FAM76A: variants seen among roughly 807,000 people sequenced by gnomAD.
The protein encoded by FAM76A is protein FAM76A.
A neutral mutation model predicts 46.2 loss-of-function variants in FAM76A; 32 were observed. The observed-to-expected ratio is 0.69, with a 90% confidence interval of 0.52 to 0.93. FAM76A has a LOEUF of 0.93. Ranked by LOEUF, FAM76A falls within the 40% of genes least tolerant of loss-of-function variation. The probability of loss-of-function intolerance (pLI) is 0.00; values close to 1 mark genes in which losing one functional copy is unlikely to be tolerated. For synonymous variants in FAM76A, 137 were observed against 127.0 expected, an observed-to-expected ratio of 1.08 and a Z score of -0.53; for missense variants, 274 against 361.5, an observed-to-expected ratio of 0.76 and a Z score of 1.96.
chr1:27,731,260 A>G (rs948158992), intron 2 of FAM76A, among the ~76,000 whole-genome samples: 3 of 144,332 alleles, frequency 2.1e-5, no homozygotes, highest in Non-Finnish European at 3.0e-5. Flanking sequence ...CTGGAGTGCA[A>G]TGGCGCAATC....
At chr1:27,746,554 C>A (rs1375516973) in intron 5 of FAM76A, among the ~76,000 whole-genome samples, 3 of 151,986 alleles carry the variant, frequency 2.0e-5, no homozygotes, top group African/African-American at 7.3e-5. Context: ...AACCCTGTTT[C>A]TACTAAAACA....
intron 8 of FAM76A, chr1:27,759,871 G>C (rs1057386253): frequency 1.8e-6 from 1 of 555,758 alleles, no homozygotes; most frequent in Non-Finnish European, 3.4e-6. Flanking sequence ...AGGCTCAGGT[G>C]ATCCTCCCAC....
chr1:27,735,636 T>C (rs1415213419), intron 4 of FAM76A, among the ~76,000 whole-genome samples: 1 of 152,208 alleles, frequency 6.6e-6, no homozygotes, highest in Non-Finnish European at 1.5e-5. Flanking sequence ...GAATCTGAAT[T>C]AGTAATCAGG....
intron 3 of FAM76A, 76 bp from the exon 4 acceptor site, chr1:27,733,955 A>G: frequency 7.1e-7 from 1 of 1,415,658 alleles, no homozygotes; most frequent in Non-Finnish European, 9.7e-7. Flanking sequence ...ACTACAAAGT[A>G]GGAATTATTG....
intron 1 of FAM76A, among the ~76,000 whole-genome samples, chr1:27,727,257 G>A (rs1005932242): frequency 7.2e-5 from 11 of 152,272 alleles, no homozygotes; most frequent in African/African-American, 2.6e-4. Context: ...TTTATGGCTA[G>A]TTCCATATAA....
chr1:27,740,603 A>C (rs2088135092), intron 4 of FAM76A: 1 of 775,986 alleles, frequency 1.3e-6, no homozygotes. Context: ...TTCAGAAGCC[A>C]CTCAAAAACA....
At position 27,726,150 on chromosome 1, in the gene FAM76A, C is replaced by A; in HGVS notation, c.70C>A (p.Gln24Lys). 7.7e-7 allele frequency: 1 copy of A among 1,305,734 alleles called. No individual in the cohort carries two copies. The highest frequency in any genetic ancestry group is 3.1e-5 in the Admixed American group (1 of 31,810). 80.9% of individuals were successfully genotyped at this position (1,305,734 alleles called of 1,614,324 possible). Residue 24 changes from glutamine to lysine, a missense_variant, in exon 1 of 9, where the codon CAG (glutamine) becomes AAG (lysine). Transcript: ENST00000373954. Reference sequence around the variant, plus strand: ...CTTCGAGGCGCTGTCTCAGGGGCAGCAGCTGTGCAAGGTGCGCGGGCTGGG... The same window carrying A: ...CTTCGAGGCGCTGTCTCAGGGGCAGAAGCTGTGCAAGGTGCGCGGGCTGGG... ...FPFEALSQGQ[Q>K]LCKECRIAHP...
intron 5 of FAM76A, 125 bp from the exon 6 acceptor site, chr1:27,748,943 A>G (rs1409067049): frequency 3.2e-5 from 19 of 585,802 alleles, no homozygotes; most frequent in Non-Finnish European, 5.6e-5. Context: ...TTATTAATCA[A>G]GAATTATTAG....
At chr1:27,728,823 G>A (rs546647473) in intron 2 of FAM76A, among the ~76,000 whole-genome samples, 1 of 152,102 alleles carries the variant, frequency 6.6e-6, no homozygotes, top group African/African-American at 2.4e-5. Flanking sequence ...AATTACCTGG[G>A]TGTGGTGGCA....
chr1:27,757,964 A>G (rs1162665555), intron 7 of FAM76A, among the ~76,000 whole-genome samples: 5 of 148,146 alleles, frequency 3.4e-5, no homozygotes, highest in African/African-American at 5.3e-5. Context: ...GCTACAGAGC[A>G]AGACTCCATC....
intron 6 of FAM76A, among the ~76,000 whole-genome samples, chr1:27,749,368 T>G (rs370980353): frequency 6.6e-6 from 1 of 152,186 alleles, no homozygotes; most frequent in East Asian, 1.9e-4. Context: ...TGCAGTCCAC[T>G]AAATTATAAT....
chr1:27,726,600 G>A (rs2087865001), intron 1 of FAM76A, among the ~76,000 whole-genome samples: 1 of 151,976 alleles, frequency 6.6e-6, no homozygotes, highest in South Asian at 2.1e-4. Context: ...TTTTCGACCA[G>A]TTTCAGAATC....
intron 4 of FAM76A, among the ~76,000 whole-genome samples, chr1:27,737,872 A>AAAAAAAAAAAAAAAAAAAAAC (rs2088079118): frequency 7.9e-6 from 1 of 126,240 alleles, no homozygotes; most frequent in South Asian, 2.2e-4. Context: ...CAACAACAAA[A>AAAAAAAAAAAAAAAAAAAAAC]AAAAAAAAAA....
rs184691197 is a variant in FAM76A, at chr1:27,749,148, G to A, written c.593G>A (p.Gly198Glu). Residue 198 changes from glycine (G) to glutamate (E), a missense_variant, in exon 6 of 9, where the codon GGA becomes GAA. Coordinates refer to ENST00000373954, the MANE Select transcript of FAM76A (RefSeq NM_152660.3). Reference protein sequence around the residue: ...KSKFESITTNGDSFSPDLALD... With the variant: ...KSKFESITTNEDSFSPDLALD... ...AAGTTTGAGTCAATCACAACTAATG[G>A]AGACAGGTGAGCCAGTTGGAGTATG... The A allele has an allele frequency of 9.4e-6, 15 of 1,598,124 alleles. No individual in the cohort carries two copies. Among genetic ancestry groups the A allele is most frequent in the East Asian group, 2.2e-5 (1 of 44,484 alleles).
chr1:27,742,338 C>G (rs1418623888), intron 4 of FAM76A, among the ~76,000 whole-genome samples: 1 of 152,206 alleles, frequency 6.6e-6, no homozygotes, highest in Non-Finnish European at 1.5e-5. Flanking sequence ...AGAGACACCA[C>G]AGCTTCAGAG....
chr1:27,726,206 C>T, intron 1 of FAM76A, 45 bp downstream of exon 1: 1 of 1,246,260 alleles, frequency 8.0e-7, no homozygotes, highest in Non-Finnish European at 1.0e-6. Flanking sequence ...ACGCAGGAGG[C>T]GCGGCCCGGA....
At chr1:27,741,788 C>A (rs2088158268) in intron 4 of FAM76A, among the ~76,000 whole-genome samples, 1 of 150,972 alleles carries the variant, frequency 6.6e-6, no homozygotes, top group Non-Finnish European at 1.5e-5. Flanking sequence ...GAGGCTGAGG[C>A]AGGAGAATTG....
chr1:27,756,082 G>A (rs886508954), intron 7 of FAM76A, among the ~76,000 whole-genome samples: 5 of 152,232 alleles, frequency 3.3e-5, no homozygotes, highest in South Asian at 4.2e-4. Flanking sequence ...AGTGCTGTCC[G>A]GCTAAAAGAA....
At chr1:27,746,716 G>A (rs959990744) in intron 5 of FAM76A, among the ~76,000 whole-genome samples, 17 of 152,208 alleles carry the variant, frequency 1.1e-4, no homozygotes, top group African/African-American at 4.1e-4. Flanking sequence ...GACAGAGCGA[G>A]ACTCTATCTC....
Sources: gnomAD v4.1 joint callset for allele counts (sites outside exome capture counted in the v4.1 genomes callset) on GRCh38, gnomAD v4.1.1 for gene constraint, MANE v1.5 for transcripts, NCBI Gene and HGNC (gene_info 2026-07-23, HGNC 2026-07-21) for gene names.